Variants in CREB5 observed in about 807,000 individuals in gnomAD.
CREB5 encodes the protein cyclic AMP-responsive element-binding protein 5.
In CREB5, 19 loss-of-function variants were observed where a neutral mutation model predicts 57.1. The observed-to-expected ratio is 0.33, with a 90% CI of 0.23 to 0.49. The LOEUF (loss-of-function observed/expected upper bound fraction) is 0.49, where lower values mean the gene tolerates loss of function less well. Ranked by LOEUF, CREB5 falls within the 20% of genes least tolerant of loss-of-function variation. The pLI, the probability that CREB5 is intolerant of heterozygous loss-of-function variation, is 0.99. For missense variants in CREB5, 579 were observed against 671.6 expected (o/e 0.86, Z 1.52); for synonymous variants, 238 against 238.3 (o/e 1.00, Z 0.01).
chr7:28,397,419 C>T (rs1451739616), intron 1 of CREB5, among the ~76,000 whole-genome samples: 1 of 152,138 alleles, frequency 6.6e-6, no homozygotes, highest in Admixed American at 6.5e-5. Flanking sequence ...TCTGTTTGGC[C>T]CTCTTGGGTT....
At chr7:28,311,530 T>C (rs1037689075) in intron 1 of CREB5, among the ~76,000 whole-genome samples, 4 of 152,250 alleles carry the variant, frequency 2.6e-5, no homozygotes, top group African/African-American at 4.8e-5. Flanking sequence ...AAAACGTTTT[T>C]CGGTCCTACA....
intron 1 of CREB5, among the ~76,000 whole-genome samples, chr7:28,424,640 C>T (rs998309171): frequency 1.3e-5 from 2 of 152,216 alleles, no homozygotes; most frequent in African/African-American, 2.4e-5. Context: ...TGTAAAAGAG[C>T]AACGCTGAAA....
intron 7 of CREB5, among the ~76,000 whole-genome samples, chr7:28,798,608 C>T (rs1562648550): frequency 6.6e-6 from 1 of 152,230 alleles, no homozygotes; most frequent in African/African-American, 2.4e-5. Context: ...CAGGCCCACC[C>T]TCCCGTCGCG....
intron 4 of CREB5, among the ~76,000 whole-genome samples, chr7:28,538,117 G>T (rs1043398659): frequency 6.6e-6 from 1 of 152,054 alleles, no homozygotes; most frequent in African/African-American, 2.4e-5. Flanking sequence ...GCAGTGGCGC[G>T]ATCTCTGCTC....
rs1795177634 is a variant in CREB5, at chr7:28,560,917, T to TGTGC, written c.292-9445_292-9444insCGTG. ...GTGTGCGTGCGCGCGTGCGTGTGCG[T>TGTGC]GTGTGCGCGTGCGTGTGTGCGTGCG... On this transcript the variant is annotated intron_variant, in intron 4 of 10. Transcript: ENST00000357727. Among the ~76,000 whole-genome samples, 43 of 80,826 alleles carry TGTGC rather than the reference T, an allele frequency of 5.3e-4. 1 individual carries two copies. The highest frequency in any genetic ancestry group is 2.7e-3 in the African/African-American group (42 of 15,798). 53.0% of individuals were successfully genotyped at this position (80,826 alleles called of 152,430 possible). A position where few individuals can be genotyped will look rare whatever the true frequency, so the allele number is the denominator to read the frequency against.
intron 7 of CREB5, among the ~76,000 whole-genome samples, chr7:28,748,659 C>T (rs1583663713): frequency 6.6e-6 from 1 of 152,138 alleles, no homozygotes; most frequent in Admixed American, 6.6e-5. Context: ...AACTTGGCAT[C>T]GGAGCATAGT....
intron 5 of CREB5, among the ~76,000 whole-genome samples, chr7:28,586,288 G>C (rs1304490702): frequency 6.6e-6 from 1 of 152,204 alleles, no homozygotes; most frequent in East Asian, 1.9e-4. Context: ...TGGCTGCCAC[G>C]ACAGGAGGAG....
At chr7:28,687,987 C>T (rs904865479) in intron 5 of CREB5, among the ~76,000 whole-genome samples, 1 of 152,102 alleles carries the variant, frequency 6.6e-6, no homozygotes, top group African/African-American at 2.4e-5. Flanking sequence ...TCTTTCCACT[C>T]GAAAGTTCTA....
chr7:28,443,267 C>G lies in CREB5; in HGVS notation c.3+30350C>G, dbSNP rs960361875. Among the ~76,000 whole-genome samples the G allele has an allele frequency of 3.9e-5, 6 of 152,322 alleles. No individual in the cohort carries two copies. In the East Asian group the frequency reaches 9.6e-4, roughly 24 times the overall value. On this transcript the variant is annotated intron_variant, in intron 1 of 10. Coordinates refer to ENST00000357727, the MANE Select transcript of CREB5 (RefSeq NM_182898.4). ...TGGAGTGACCCAGGTGGCTGCTGAA[C>G]ATGCAGGGAGTTTACATTATGGCTG... is the stretch of plus-strand genomic sequence containing the variant.
intron 7 of CREB5, among the ~76,000 whole-genome samples, chr7:28,743,341 T>G (rs1386261873): frequency 6.6e-6 from 1 of 152,166 alleles, no homozygotes; most frequent in Admixed American, 6.5e-5. Context: ...GAGACCAGCC[T>G]GGGCAACCTG....
intron 7 of CREB5, among the ~76,000 whole-genome samples, chr7:28,798,565 C>T (rs528109661): frequency 1.3e-5 from 2 of 152,274 alleles, no homozygotes; most frequent in East Asian, 1.9e-4. Flanking sequence ...TGGGAGGAGG[C>T]GAATAGTTGG....
At chr7:28,638,373 T>C (rs894637094) in intron 5 of CREB5, among the ~76,000 whole-genome samples, 1 of 152,090 alleles carries the variant, frequency 6.6e-6, no homozygotes, top group African/African-American at 2.4e-5. Context: ...GGAAACAGAA[T>C]CTCACTCTGT....
intron 1 of CREB5, among the ~76,000 whole-genome samples, chr7:28,303,902 G>T (rs1785142599): frequency 6.6e-6 from 1 of 152,088 alleles, no homozygotes; most frequent in African/African-American, 2.4e-5. Flanking sequence ...ATTTACATTG[G>T]CAGTAAAAGT....
At chr7:28,717,373 G>A (rs1802753691) in intron 5 of CREB5, among the ~76,000 whole-genome samples, 1 of 152,124 alleles carries the variant, frequency 6.6e-6, no homozygotes, top group Non-Finnish European at 1.5e-5. Context: ...TATGATGTGT[G>A]TGACTCTGGT....
At chr7:28,528,727 A>AG (rs1468487289) in intron 4 of CREB5, among the ~76,000 whole-genome samples, 3 of 148,884 alleles carry the variant, frequency 2.0e-5, no homozygotes, top group Non-Finnish European at 4.4e-5. Context: ...AAAAAAAAAA[A>AG]AGAGCGTGAT....
In CREB5 at chr7:28,824,090, A is replaced by ATACTT. The variant is rs10522147; in HGVS notation, c.*4815_*4819dup. ...AAGGCTCTGAGCGGCATCATTTAAA[A>ATACTT]TACTTTACAGATATTTGCACCAGGT... On this transcript the variant is annotated 3_prime_UTR_variant, in exon 11 of 11. Transcript: ENST00000357727. The ATACTT allele has an allele frequency of 0.13, 19,454 of 152,136 alleles. 1,418 individuals are homozygous for ATACTT. The highest frequency in any genetic ancestry group is 0.19 in the African/African-American group (7,804 of 41,216). The allele number at this position is 152,136 out of a possible 1,614,324, so 9.4% of individuals were successfully genotyped here. A position where few individuals can be genotyped will look rare whatever the true frequency, so the allele number is the denominator to read the frequency against.
intron 5 of CREB5, among the ~76,000 whole-genome samples, chr7:28,623,277 A>C (rs772102923): frequency 2.6e-5 from 4 of 152,242 alleles, no homozygotes; most frequent in African/African-American, 9.6e-5. Context: ...CGTTCTGAGC[A>C]TGCACACATA....
intron 1 of CREB5, among the ~76,000 whole-genome samples, chr7:28,426,545 T>A: frequency 6.6e-6 from 1 of 152,202 alleles, no homozygotes; most frequent in Non-Finnish European, 1.5e-5. Context: ...ACATCTGCAA[T>A]CCTCTAGTAC....
chr7:28,750,290 G>C (rs117481251), intron 7 of CREB5, among the ~76,000 whole-genome samples: 5 of 152,118 alleles, frequency 3.3e-5, no homozygotes, highest in African/African-American at 1.2e-4. Context: ...CCTTGGGGTC[G>C]TCACTGTCCT....
Sources: allele counts gnomAD v4.1 joint callset (sites outside exome capture counted in the v4.1 genomes callset), GRCh38; gene constraint gnomAD v4.1.1; transcripts MANE v1.5; gene names NCBI Gene and HGNC (gene_info 2026-07-23, HGNC 2026-07-21).